DNAH5: variants seen among roughly 807,000 people sequenced by gnomAD.
The protein encoded by DNAH5 is axonemal beta dynein heavy chain 5.
In DNAH5, 372 loss-of-function variants were observed where a neutral mutation model predicts 518.2. The ratio of observed to expected loss-of-function variants is 0.72; its 90% CI spans 0.66 to 0.78. DNAH5 has a LOEUF of 0.78. Ranked by LOEUF, DNAH5 falls within the 30% of genes least tolerant of loss-of-function variation. DNAH5 has a pLI of 0.00. For synonymous variants in DNAH5, 2,039 were observed against 2,025.9 expected (o/e 1.01, Z -0.17); for missense variants, 5,523 against 5,687.0 (o/e 0.97, Z 0.93).
At chr5:13,800,731 G>C (rs545683733) in intron 47 of DNAH5, among the ~76,000 whole-genome samples, 1 of 152,066 alleles carries the variant, frequency 6.6e-6, no homozygotes, top group African/African-American at 2.4e-5. Flanking sequence ...AAAGAAATCC[G>C]TCTAAAGAAT....
chr5:13,933,105 C>G (rs1778577470), intron 1 of DNAH5, among the ~76,000 whole-genome samples: 1 of 152,210 alleles, frequency 6.6e-6, no homozygotes, highest in Admixed American at 6.5e-5. Context: ...CAAATGGCCC[C>G]TGTGGGACAA....
chr5:13,776,509 C>T lies in DNAH5; in HGVS notation c.9303G>A (p.Lys3101=). 1 of 1,613,896 alleles carries T rather than the reference C, an allele frequency of 6.2e-7. No homozygotes were observed. Among genetic ancestry groups the T allele is most frequent in the Non-Finnish European group, 8.5e-7 (1 of 1,179,848 alleles). The change falls in exon 55 of 79, where the codon AAG becomes AAA. Residue 3101 remains lysine, a synonymous_variant. Transcript: ENST00000265104. ...VGEKFRNRAL[K]FPALISGCTI... is the part of the protein sequence containing the mutation. ...TGCATCCTGAAATTAGGGCAGGGAA[C>T]TTCAAAGCTCTGTTTCGAAATTTCT... is the stretch of plus-strand genomic sequence containing the variant.
intron 6 of DNAH5, 142 bp downstream of exon 6, chr5:13,920,338 A>G: frequency 8.9e-7 from 1 of 1,120,258 alleles, no homozygotes; most frequent in Admixed American, 1.8e-5. Context: ...CAGTAAAGGA[A>G]AACCACATTG....
At chr5:13,790,560 G>C (rs1271819680) in intron 50 of DNAH5, among the ~76,000 whole-genome samples, 1 of 152,150 alleles carries the variant, frequency 6.6e-6, no homozygotes, top group Non-Finnish European at 1.5e-5. Context: ...TGAATCATAG[G>C]GGCTGTTTCC....
chr5:13,849,259 G>A (rs909849787), intron 31 of DNAH5, among the ~76,000 whole-genome samples: 4 of 152,188 alleles, frequency 2.6e-5, no homozygotes, highest in South Asian at 2.1e-4. Flanking sequence ...CATCTCTCAC[G>A]TTTTATGCTG....
At chr5:13,926,975 T>TAA (rs1777935820) in intron 3 of DNAH5, among the ~76,000 whole-genome samples, 1 of 152,236 alleles carries the variant, frequency 6.6e-6, no homozygotes, top group Admixed American at 6.5e-5. Context: ...TTTGCATGCA[T>TAA]AATTTCTTCA....
At chr5:13,891,231 C>CAGT in intron 16 of DNAH5, 110 bp from the exon 17 acceptor site, 2 of 1,160,780 alleles carry the variant, frequency 1.7e-6, no homozygotes, top group South Asian at 2.6e-5. Context: ...TAAAGATTCT[C>CAGT]AGTTACGTAT....
At chr5:13,736,546 C>G (rs755970630) in intron 66 of DNAH5, among the ~76,000 whole-genome samples, 1 of 151,722 alleles carries the variant, frequency 6.6e-6, no homozygotes, top group African/African-American at 2.4e-5. Flanking sequence ...AGGCGCCCAC[C>G]ACCATGCCTG....
chr5:13,940,586 A>C (rs1045400992), intron 1 of DNAH5, among the ~76,000 whole-genome samples: 3 of 152,156 alleles, frequency 2.0e-5, no homozygotes, highest in Non-Finnish European at 2.9e-5. Context: ...ATCCTGATTT[A>C]TCTGGTCAGG....
At chr5:14,001,802 G>A (rs774494499) in intron 1 of DNAH5, among the ~76,000 whole-genome samples, 14 of 151,998 alleles carry the variant, frequency 9.2e-5, no homozygotes, top group Non-Finnish European at 1.6e-4. Context: ...CATTGTGTAA[G>A]GCAGATGTTG....
At chr5:13,692,721 C>T (rs2126338549) in intron 78 of DNAH5, among the ~76,000 whole-genome samples, 1 of 152,254 alleles carries the variant, frequency 6.6e-6, no homozygotes, top group South Asian at 2.1e-4. Flanking sequence ...ACTCAGTCTA[C>T]CTTTCTGGAG....
chr5:13,745,908 T>A (rs1397978824), intron 65 of DNAH5, among the ~76,000 whole-genome samples: 2 of 152,116 alleles, frequency 1.3e-5, no homozygotes, highest in African/African-American at 4.8e-5. Context: ...CACTGCATTG[T>A]CACTGAAGTC....
At chr5:13,940,171 C>T (rs866783751) in intron 1 of DNAH5, among the ~76,000 whole-genome samples, 6 of 152,176 alleles carry the variant, frequency 3.9e-5, no homozygotes, top group African/African-American at 1.4e-4. Flanking sequence ...CCGGTGTCCA[C>T]AGCCTCACCT....
At chr5:13,889,147 G>C (rs1338322781) in intron 17 of DNAH5, among the ~76,000 whole-genome samples, 1 of 152,162 alleles carries the variant, frequency 6.6e-6, no homozygotes, top group East Asian at 1.9e-4. Flanking sequence ...TGATTAAAAG[G>C]CTAGTTTCTT....
chr5:13,870,493 C>T (rs1300931369), intron 24 of DNAH5, among the ~76,000 whole-genome samples: 2 of 152,092 alleles, frequency 1.3e-5, no homozygotes, highest in African/African-American at 2.4e-5. Context: ...CTGATTCCCT[C>T]GCCCCTCTTC....
chr5:13,901,443 G>A lies in DNAH5; in HGVS notation c.1861C>T (p.Pro621Ser). Residue 621 changes from proline to serine, a missense_variant, in exon 14 of 79, where the codon CCT (proline) becomes TCT (serine). Physicochemically the swap from Pro to Ser is moderately conservative, Grantham distance 74. Around this residue, in one of 3 missense-constraint regions of DNAH5, gnomAD observed 5,121 missense variants for 5,223.3 expected, o/e 0.98. Transcript: ENST00000265104. ...CACAAAATCTTTCCAGCGATGGGAGGCTGGTTTCGAGCCAGAGGAGGATCG... is the reference window on the plus strand; with the variant it reads ...CACAAAATCTTTCCAGCGATGGGAGACTGGTTTCGAGCCAGAGGAGGATCG... ...KYDPPLARNQ[P>S]PIAGKILWAR... 1 of 1,614,038 alleles carries A rather than the reference G, an allele frequency of 6.2e-7. No homozygotes were observed.
intron 47 of DNAH5, among the ~76,000 whole-genome samples, chr5:13,796,773 A>C (rs560570832): frequency 2.6e-5 from 4 of 152,334 alleles, no homozygotes; most frequent in Admixed American, 1.3e-4. Flanking sequence ...ACAAAGCTGG[A>C]GGCATCACAC....
At chr5:13,922,533 C>T (rs1418333506) in intron 4 of DNAH5, among the ~76,000 whole-genome samples, 1 of 151,916 alleles carries the variant, frequency 6.6e-6, no homozygotes, top group Non-Finnish European at 1.5e-5. Context: ...TCGAGACCAG[C>T]CTGGGCAACA....
intron 73 of DNAH5, 48 bp downstream of exon 73, chr5:13,717,267 C>A (rs1179206373): frequency 6.4e-7 from 1 of 1,556,836 alleles, no homozygotes; most frequent in Non-Finnish European, 8.8e-7. Context: ...AGCTTGATGG[C>A]CCAAGCCCAC....
Sources: allele counts gnomAD v4.1 joint callset (sites outside exome capture counted in the v4.1 genomes callset), GRCh38; gene constraint gnomAD v4.1.1; regional missense constraint gnomAD v4.1.1; transcripts MANE v1.5; gene names NCBI Gene and HGNC (gene_info 2026-07-23, HGNC 2026-07-21).